Variants in PPRC1 observed in about 807,000 individuals in gnomAD.
The protein encoded by PPRC1 is peroxisome proliferator-activated receptor gamma coactivator-related protein 1.
Under a neutral mutation model 132.5 loss-of-function variants are expected in PPRC1, and 23 were observed. The observed-to-expected ratio is 0.17, with a 90% CI of 0.12 to 0.25. The LOEUF is 0.25. Among genes scored for constraint, PPRC1 ranks in the 10% least tolerant of loss-of-function variants. The pLI, the probability that PPRC1 is intolerant of heterozygous loss-of-function variation, is 1.00. For synonymous variants in PPRC1, 872 were observed against 833.5 expected, an observed-to-expected ratio of 1.05 and a Z score of -0.80; for missense variants, 2,006 against 2,089.1, an observed-to-expected ratio of 0.96 and a Z score of 0.78.
the PPRC1 span, among the ~76,000 whole-genome samples, chr10:102,121,894 CG>C: frequency 6.6e-6 from 1 of 152,208 alleles, no homozygotes; most frequent in Admixed American, 6.5e-5. Context: ...GTTACAAATG[CG>C]GAGGCTTAAA....
chr10:102,138,542 C>T, intron 2 of PPRC1, 77 bp from the exon 3 acceptor site: 1 of 1,529,758 alleles, frequency 6.5e-7, no homozygotes, highest in East Asian at 2.3e-5. Context: ...GACTGATTCT[C>T]TCGATATCCA....
At chr10:102,132,869 C>T, upstream of PPRC1, 1 of 698,652 alleles carries the variant, frequency 1.4e-6, no homozygotes, top group Non-Finnish European at 2.0e-6. Context: ...CCAAACGGTC[C>T]CCACTTAAAG....
chr10:102,125,023 T>C, the PPRC1 span, among the ~76,000 whole-genome samples: 2 of 152,066 alleles, frequency 1.3e-5, no homozygotes, highest in Admixed American at 6.6e-5. Flanking sequence ...GCTCAAGCAG[T>C]CCTCTTGCCT....
In PPRC1 at chr10:102,141,598, T is replaced by A; in HGVS notation, c.3090T>A (p.Leu1030=). Residue 1030 remains leucine, a synonymous_variant, in exon 5 of 14, where the codon CTT becomes CTA. Coordinates refer to ENST00000278070, the MANE Select transcript of PPRC1 (RefSeq NM_015062.5). ...GTPAGPPENV[L]PLSMAPPLSL... is the part of the protein sequence containing the mutation. ...CAGCTGGCCCTCCTGAAAATGTACT[T>A]CCCTTGTCGATGGCTCCTCCCCTCA... is the stretch of plus-strand genomic sequence containing the variant. 1 of 1,614,090 alleles carries A rather than the reference T, an allele frequency of 6.2e-7. No individual in the cohort carries two copies. Among genetic ancestry groups the A allele is most frequent in the Admixed American group, 1.7e-5 (1 of 60,010 alleles).
At position 102,140,133 on chromosome 10, in the gene PPRC1, G is replaced by C; in HGVS notation, c.1625G>C (p.Arg542Thr). Residue 542 changes from arginine (R) to threonine (T), a missense_variant, in exon 5 of 14, where the codon AGA (arginine) becomes ACA (threonine). This residue lies in a region of PPRC1 where 1,914 missense variants were observed against 1,917.2 expected (regional missense o/e 1.00). Transcript: ENST00000278070. ...AATTCTAGCCCTAAGAACTTGGAGA[G>C]AAGTGCTGGACAAAGTAGTCCTGCT... The part of the protein sequence containing the change: ...LENSSPKNLE[R>T]SAGQSSPAKE... 1 of 1,614,252 alleles carries C rather than the reference G, an allele frequency of 6.2e-7. No individual in the cohort carries two copies. Among genetic ancestry groups the C allele is most frequent in the South Asian group, 1.1e-5 (1 of 91,092 alleles).
At chr10:102,131,588 G>T (rs1433580897), upstream of PPRC1, among the ~76,000 whole-genome samples, 7 of 152,128 alleles carry the variant, frequency 4.6e-5, no homozygotes, top group African/African-American at 1.4e-4. Flanking sequence ...AAGTGCAAAG[G>T]TACATGTACA....
Position 102,141,418 on chromosome 10 carries a change from C to G in PPRC1, c.2910C>G (p.Val970=). 14 of 1,614,030 alleles carry G rather than the reference C, an allele frequency of 8.7e-6. No individual in the cohort carries two copies. The highest frequency in any genetic ancestry group is 1.2e-5 in the Non-Finnish European group (14 of 1,180,036). The change falls in exon 5 of 14, where the codon GTC becomes GTG. Residue 970 remains valine, a synonymous_variant. Transcript: ENST00000278070. ...CTTGGGCACCCCCTCCTGCCCCAGT[C>G]TCACCTTACAGTTCCACATGTACCT... The part of the protein sequence containing the change: ...SVPWAPPPAP[V]SPYSSTCTYG...
At chr10:102,131,958 C>G (rs1164327565), upstream of PPRC1, among the ~76,000 whole-genome samples, 1 of 152,124 alleles carries the variant, frequency 6.6e-6, no homozygotes, top group East Asian at 1.9e-4. Flanking sequence ...GAGCCACGGC[C>G]AGAAACAACT....
At chr10:102,132,652 CAT>C (rs1470479563), upstream of PPRC1, among the ~76,000 whole-genome samples, 1 of 152,232 alleles carries the variant, frequency 6.6e-6, no homozygotes, top group South Asian at 2.1e-4. Flanking sequence ...TGTTTCAAAA[CAT>C]ATACAGGCCC....
chr10:102,135,791 C>G (rs1168729496), intron 1 of PPRC1, among the ~76,000 whole-genome samples: 1 of 152,202 alleles, frequency 6.6e-6, no homozygotes, highest in Non-Finnish European at 1.5e-5. Context: ...AAGTTTCTGA[C>G]TGTTTTTGAA....
chr10:102,144,429 CCT>C (rs2069130222), intron 7 of PPRC1, 122 bp downstream of exon 7: 2 of 912,954 alleles, frequency 2.2e-6, no homozygotes, highest in Non-Finnish European at 1.7e-6. Context: ...AGAGTCTTTC[CCT>C]GTTTCCCCAC....
At chr10:102,127,053 A>T in the PPRC1 span, among the ~76,000 whole-genome samples, 9 of 59,196 alleles carry the variant, frequency 1.5e-4, no homozygotes, top group African/African-American at 2.9e-4. Context: ...ATATATATAT[A>T]TATATATATA....
the PPRC1 span, among the ~76,000 whole-genome samples, chr10:102,125,064 C>T: frequency 2.6e-5 from 4 of 151,948 alleles, no homozygotes; most frequent in South Asian, 4.2e-4. Context: ...ACTACAGGCC[C>T]GTACCACACC....
Position 102,139,221 on chromosome 10 carries a change from C to A in PPRC1, c.713C>A (p.Pro238Gln). Residue 238 changes from proline to glutamine, a missense_variant, in exon 5 of 14, where the codon CCA becomes CAA. By Grantham distance (76) the Pro-to-Gln change is moderately conservative. Around this residue, in one of 2 missense-constraint regions of PPRC1, gnomAD observed 1,914 missense variants for 1,917.2 expected, o/e 1.00. Coordinates refer to ENST00000278070, the MANE Select transcript of PPRC1 (RefSeq NM_015062.5). ...TCAAGACCACGCTGGGGCCAATCCC[C>A]ACCTCCCCAGCAGCGCAGTGATGGA... ...PRSRPRWGQS[P>Q]PPQQRSDGEE... The A allele has an allele frequency of 6.2e-7, 1 of 1,614,184 alleles. No homozygotes were observed. The highest frequency in any genetic ancestry group is 8.5e-7 in the Non-Finnish European group (1 of 1,180,044).
At chr10:102,127,020 C>CGT in the PPRC1 span, among the ~76,000 whole-genome samples, 1 of 87,950 alleles carries the variant, frequency 1.1e-5, no homozygotes, top group Admixed American at 1.1e-4. Flanking sequence ...GGTTTTTTAT[C>CGT]ATATATATAT....
intron 1 of PPRC1, among the ~76,000 whole-genome samples, chr10:102,133,969 C>T (rs2068624925): frequency 6.6e-6 from 1 of 151,868 alleles, no homozygotes; most frequent in South Asian, 2.1e-4. Context: ...GAGTTTGTTC[C>T]CTGCGGATGG....
Position 102,138,916 on chromosome 10 carries a change from A to C in PPRC1, c.527A>C (p.Glu176Ala), listed in dbSNP as rs1332174540. 1 of 1,614,076 alleles carries C rather than the reference A, an allele frequency of 6.2e-7. No homozygotes were observed. Among genetic ancestry groups the C allele is most frequent in the Admixed American group, 1.7e-5 (1 of 60,016 alleles). The change falls in exon 4 of 14, where the codon GAA becomes GCA. Residue 176 changes from glutamate to alanine, a missense_variant. This residue lies in a region of PPRC1 where 1,914 missense variants were observed against 1,917.2 expected (regional missense o/e 1.00). Coordinates refer to ENST00000278070, the MANE Select transcript of PPRC1 (RefSeq NM_015062.5). ...CTTACTCTCTCTCGGACACCCCCAG[A>C]ACGTGACCTCATCACCCCAGTTGAC... ...KLLTLSRTPP[E>A]RDLITPVDPL...
chr10:102,128,608 T>C (rs1276908623), upstream of PPRC1, among the ~76,000 whole-genome samples: 1 of 150,146 alleles, frequency 6.7e-6, no homozygotes, highest in Non-Finnish European at 1.5e-5. Context: ...ACAGCTGCAG[T>C]CTTTTTTTTT....
At position 102,141,723 on chromosome 10, in the gene PPRC1, C is replaced by T. The variant is rs1443078093; in HGVS notation, c.3215C>T (p.Ala1072Val). Residue 1072 changes from alanine to valine, a missense_variant, in exon 5 of 14, where the codon GCC (alanine) becomes GTC (valine). Transcript: ENST00000278070. ...CCCCATCCGAAACACAAGGTGTCTG[C>T]CCTGGTGCAAAGTCCCCAGATGAAG... ...ASPHPKHKVS[A>V]LVQSPQMKAL... 6.2e-7 allele frequency: 1 copy of T among 1,613,892 alleles called. No homozygotes were observed. The highest frequency in any genetic ancestry group is 8.5e-7 in the Non-Finnish European group (1 of 1,179,890).
Sources: gnomAD v4.1 joint callset for allele counts (sites outside exome capture counted in the v4.1 genomes callset) on GRCh38, gnomAD v4.1.1 for gene constraint, gnomAD v4.1.1 regional missense constraint, MANE v1.5 for transcripts, NCBI Gene and HGNC (gene_info 2026-07-23, HGNC 2026-07-21) for gene names.